Variants in SLC24A2 observed in about 807,000 individuals in gnomAD.
The protein encoded by SLC24A2 is sodium/potassium/calcium exchanger 2.
SLC24A2 carries 36 observed loss-of-function variants against 62.0 expected under a neutral mutation model. The ratio of observed to expected loss-of-function variants is 0.58; its 90% CI spans 0.44 to 0.77. The LOEUF (loss-of-function observed/expected upper bound fraction) is 0.77, where lower values mean the gene tolerates loss of function less well. SLC24A2 is among the 30% of genes least tolerant of loss of function. The probability of loss-of-function intolerance (pLI) is 0.00; values close to 1 mark genes in which losing one functional copy is unlikely to be tolerated. For missense variants in SLC24A2, 846 were observed against 817.9 expected (o/e 1.03, Z -0.42); for synonymous variants, 358 against 294.0 (o/e 1.22, Z -2.23).
intron 9 of SLC24A2, among the ~76,000 whole-genome samples, chr9:19,526,169 A>G: frequency 6.6e-6 from 1 of 152,202 alleles, no homozygotes; most frequent in East Asian, 1.9e-4. Flanking sequence ...CTCATGTTGT[A>G]GCATGTATTG....
chr9:20,274,819 C>T, the SLC24A2 span, among the ~76,000 whole-genome samples: 125 of 152,162 alleles, frequency 8.2e-4, no homozygotes, highest in Non-Finnish European at 2.9e-5. Flanking sequence ...CCTTGTCAGA[C>T]CCCTCTCTGC....
chr9:20,237,113 T>C, the SLC24A2 span, among the ~76,000 whole-genome samples: 1 of 152,314 alleles, frequency 6.6e-6, no homozygotes, highest in East Asian at 1.9e-4. Flanking sequence ...AACCTCCAGG[T>C]TACTCCTTGG....
chr9:20,282,196 C>T, the SLC24A2 span, among the ~76,000 whole-genome samples: 1 of 152,220 alleles, frequency 6.6e-6, no homozygotes, highest in Admixed American at 6.5e-5. Context: ...AATTAGAGTG[C>T]CAACTACAAA....
chr9:20,235,668 C>G, the SLC24A2 span, among the ~76,000 whole-genome samples: 1 of 152,200 alleles, frequency 6.6e-6, no homozygotes, highest in African/African-American at 2.4e-5. Context: ...TCCCTGACCC[C>G]TTGTGCTTCC....
the SLC24A2 span, among the ~76,000 whole-genome samples, chr9:20,257,323 T>C: frequency 1.3e-5 from 2 of 152,204 alleles, no homozygotes; most frequent in Non-Finnish European, 1.5e-5. Flanking sequence ...AAACACTCAA[T>C]CTCTAGAAAC....
the SLC24A2 span, among the ~76,000 whole-genome samples, chr9:19,874,192 G>A: frequency 4.8e-3 from 689 of 144,988 alleles, 7 homozygotes; most frequent in African/African-American, 0.017. Context: ...CAATTCTCTT[G>A]CCTCAGCCTC....
chr9:20,039,566 T>G, the SLC24A2 span, among the ~76,000 whole-genome samples: 3 of 151,972 alleles, frequency 2.0e-5, no homozygotes, highest in South Asian at 6.3e-4. Context: ...GAGGTTGGCA[T>G]TGTGGAAATA....
intron 2 of SLC24A2, among the ~76,000 whole-genome samples, chr9:19,633,732 G>T (rs1012034767): frequency 6.6e-5 from 10 of 152,102 alleles, no homozygotes; most frequent in Admixed American, 3.3e-4. Flanking sequence ...TTTGCCATTT[G>T]TGTATCTCTT....
the SLC24A2 span, among the ~76,000 whole-genome samples, chr9:20,096,065 C>G: frequency 6.6e-6 from 1 of 150,536 alleles, no homozygotes; most frequent in Admixed American, 6.6e-5. Flanking sequence ...CAAACCATAT[C>G]TGTATCCATC....
intron 10 of SLC24A2, among the ~76,000 whole-genome samples, chr9:19,518,745 T>A (rs1833055561): frequency 6.6e-6 from 1 of 152,108 alleles, no homozygotes; most frequent in Non-Finnish European, 1.5e-5. Flanking sequence ...TCTAAATCTG[T>A]GAGTATATGT....
At chr9:20,081,033 C>G in the SLC24A2 span, among the ~76,000 whole-genome samples, 100 of 152,270 alleles carry the variant, frequency 6.6e-4, no homozygotes, top group African/African-American at 2.4e-3. Flanking sequence ...GTTGGTGGGA[C>G]TGTAAACTAG....
chr9:20,215,296 C>G, the SLC24A2 span, among the ~76,000 whole-genome samples: 4 of 152,130 alleles, frequency 2.6e-5, no homozygotes, highest in African/African-American at 9.7e-5. Flanking sequence ...ATACCATCAC[C>G]CTGGAGGTTA....
chr9:20,111,730 A>C, the SLC24A2 span, among the ~76,000 whole-genome samples: 1 of 152,166 alleles, frequency 6.6e-6, no homozygotes, highest in Non-Finnish European at 1.5e-5. Flanking sequence ...ACACATCAGT[A>C]GATGTAATAA....
the SLC24A2 span, among the ~76,000 whole-genome samples, chr9:20,140,742 AC>A: frequency 5.3e-5 from 8 of 151,102 alleles, no homozygotes; most frequent in African/African-American, 2.0e-4. Context: ...TCCACCCACA[AC>A]CCCCCACTTC....
the SLC24A2 span, among the ~76,000 whole-genome samples, chr9:20,251,134 C>T: frequency 6.6e-6 from 1 of 152,192 alleles, no homozygotes; most frequent in East Asian, 1.9e-4. Flanking sequence ...GGAAAGCCAG[C>T]AAAAGACACA....
chr9:19,543,810 T>C (rs1022506442), intron 8 of SLC24A2, among the ~76,000 whole-genome samples: 19 of 152,320 alleles, frequency 1.2e-4, no homozygotes, highest in South Asian at 4.1e-4. Context: ...TGTTATGATT[T>C]CCATTCTTTT....
At chr9:19,526,421 G>A (rs1324603809) in intron 9 of SLC24A2, among the ~76,000 whole-genome samples, 2 of 152,180 alleles carry the variant, frequency 1.3e-5, no homozygotes, top group African/African-American at 4.8e-5. Flanking sequence ...TTGTGGAACT[G>A]CCAAACTATT....
chr9:19,908,568 AT>A, the SLC24A2 span, among the ~76,000 whole-genome samples: 1 of 152,142 alleles, frequency 6.6e-6, no homozygotes, highest in Non-Finnish European at 1.5e-5. Context: ...ATGAGAGAAA[AT>A]TTTTGCAATC....
At chr9:20,204,446 G>A in the SLC24A2 span, among the ~76,000 whole-genome samples, 2 of 152,142 alleles carry the variant, frequency 1.3e-5, no homozygotes, top group African/African-American at 4.8e-5. Context: ...CATCAAAGAA[G>A]ATTATTTTTT....
Sources: allele counts gnomAD v4.1 joint callset (sites outside exome capture counted in the v4.1 genomes callset), GRCh38; gene constraint gnomAD v4.1.1; transcripts MANE v1.5; gene names NCBI Gene and HGNC (gene_info 2026-07-23, HGNC 2026-07-21).